KAT2B: variants seen among roughly 807,000 people sequenced by gnomAD.
KAT2B encodes histone acetyltransferase KAT2B.
KAT2B carries 36 observed loss-of-function variants against 105.9 expected under a neutral mutation model. The ratio of observed to expected loss-of-function variants is 0.34; its 90% CI spans 0.26 to 0.45. The LOEUF (loss-of-function observed/expected upper bound fraction) is 0.45. Among genes scored for constraint, KAT2B ranks in the 20% least tolerant of loss-of-function variants. The pLI is 1.00. For missense variants in KAT2B, 820 were observed against 1,021.6 expected (o/e 0.80, Z 2.69); for synonymous variants, 397 against 377.9 (o/e 1.05, Z -0.59).
intron 14 of KAT2B, among the ~76,000 whole-genome samples, chr3:20,147,708 T>G (rs1655770196): frequency 6.6e-6 from 1 of 152,228 alleles, no homozygotes; most frequent in South Asian, 2.1e-4. Flanking sequence ...ACATATTTAT[T>G]TTTTATGCTC....
At chr3:20,111,505 T>C (rs989011602) in intron 5 of KAT2B, 91 bp from the exon 6 acceptor site, 1 of 1,059,232 alleles carries the variant, frequency 9.4e-7, no homozygotes, top group Middle Eastern at 3.2e-4. Context: ...TTTTCTGCTA[T>C]AGTTAATAGT....
chr3:20,146,418 A>G lies in KAT2B; in HGVS notation c.2107A>G (p.Ile703Val). The change falls in exon 14 of 18, where the codon ATT becomes GTT. Residue 703 changes from isoleucine (I) to valine (V), a missense_variant. By Grantham distance (29) the Ile-to-Val change is conservative. Transcript: ENST00000263754. ...DGVRQIPIES[I>V]PGIRETGWKP... ...AGTTCGACAGATTCCTATAGAAAGCATTCCTGGAATTAGTACGTATAGACC... is the reference window on the plus strand; with the variant it reads ...AGTTCGACAGATTCCTATAGAAAGCGTTCCTGGAATTAGTACGTATAGACC... 1.2e-6 allele frequency: 2 copies of G among 1,603,526 alleles called. No individual in the cohort carries two copies. Among genetic ancestry groups the G allele is most frequent in the Non-Finnish European group, 1.7e-6 (2 of 1,170,562 alleles).
intron 5 of KAT2B, among the ~76,000 whole-genome samples, chr3:20,103,532 C>T (rs138218027): frequency 6.6e-6 from 1 of 152,096 alleles, no homozygotes; most frequent in Non-Finnish European, 1.5e-5. Flanking sequence ...ATCTCAGCCT[C>T]CTTAGTAGCT....
At chr3:20,055,273 C>T (rs867527626) in intron 1 of KAT2B, among the ~76,000 whole-genome samples, 4 of 152,114 alleles carry the variant, frequency 2.6e-5, no homozygotes, top group Non-Finnish European at 4.4e-5. Context: ...CAACTTTTTC[C>T]GTTTACTCAA....
At chr3:20,101,638 T>A (rs1263421860) in intron 5 of KAT2B, among the ~76,000 whole-genome samples, 170 bp downstream of exon 5, 1 of 152,198 alleles carries the variant, frequency 6.6e-6, no homozygotes, top group East Asian at 1.9e-4. Flanking sequence ...ATTGCTATCA[T>A]AATATGTTGA....
chr3:20,079,755 A>G (rs1217920323), intron 2 of KAT2B, among the ~76,000 whole-genome samples: 1 of 152,174 alleles, frequency 6.6e-6, no homozygotes, highest in African/African-American at 2.4e-5. Context: ...AAAGGACGTA[A>G]ACATGGGGCC....
intron 5 of KAT2B, among the ~76,000 whole-genome samples, chr3:20,108,314 A>G (rs897222467): frequency 2.6e-5 from 4 of 152,260 alleles, no homozygotes; most frequent in Non-Finnish European, 2.9e-5. Flanking sequence ...AGTGCTCAAT[A>G]GTTACCAATG....
Position 20,119,828 on chromosome 3 carries a change from T to C in KAT2B, c.1276+105T>C, listed in dbSNP as rs1699276873. On this transcript the variant is annotated intron_variant, in intron 8 of 17. Coordinates refer to ENST00000263754, the MANE Select transcript of KAT2B (RefSeq NM_003884.5). The stretch of plus-strand genomic sequence containing the variant: ...TTGAACCAAGTACAGATTGTGCATG[T>C]CCAGGATTTTAACAGCTAGAAATAA... 5 of 1,243,882 alleles carry C rather than the reference T, an allele frequency of 4.0e-6. No homozygotes were observed. The South Asian group carries it at 7.3e-5, about 18-fold the overall frequency. 77.1% of individuals were successfully genotyped at this position (1,243,882 alleles called of 1,614,324 possible). A position where few individuals can be genotyped will look rare whatever the true frequency, so the allele number is the denominator to read the frequency against.
intron 2 of KAT2B, among the ~76,000 whole-genome samples, chr3:20,093,802 C>T (rs1001257865): frequency 1.2e-4 from 19 of 152,078 alleles, no homozygotes; most frequent in African/African-American, 3.1e-4. Flanking sequence ...CTTGAGGTGC[C>T]GCCTCCTGTT....
chr3:20,062,100 TATAATATATATTATATAAAAC>T (rs1698125896), intron 1 of KAT2B, among the ~76,000 whole-genome samples: 1 of 54,264 alleles, frequency 1.8e-5, no homozygotes, highest in African/African-American at 6.3e-5. Context: ...ATATAAAACA[TATAATATATATTATATAAAAC>T]ATATATATAT....
chr3:20,146,564 AG>A (rs1699786986), intron 14 of KAT2B, 134 bp downstream of exon 14: 2 of 593,436 alleles, frequency 3.4e-6, no homozygotes, highest in Non-Finnish European at 6.1e-6. Flanking sequence ...TAGTCTTTTA[AG>A]AAGGCAGCAA....
At chr3:20,116,239 C>A (rs1699204903) in intron 7 of KAT2B, among the ~76,000 whole-genome samples, 1 of 152,146 alleles carries the variant, frequency 6.6e-6, no homozygotes, top group South Asian at 2.1e-4. Flanking sequence ...ATATCCTTTG[C>A]ATTGCTCCCT....
chr3:20,142,011 C>T (rs1296354096), intron 13 of KAT2B, among the ~76,000 whole-genome samples: 2 of 152,120 alleles, frequency 1.3e-5, no homozygotes, highest in Non-Finnish European at 2.9e-5. Flanking sequence ...AGGCTGCTGG[C>T]CAACTAAAGC....
At chr3:20,151,056 C>A (rs528244267) in intron 17 of KAT2B, among the ~76,000 whole-genome samples, 4 of 152,166 alleles carry the variant, frequency 2.6e-5, no homozygotes, top group African/African-American at 9.7e-5. Flanking sequence ...TTGATCTGTT[C>A]AGTCACACTT....
At chr3:20,060,132 G>A (rs1698074903) in intron 1 of KAT2B, among the ~76,000 whole-genome samples, 1 of 152,190 alleles carries the variant, frequency 6.6e-6, no homozygotes, top group Admixed American at 6.5e-5. Flanking sequence ...GCGTTAACTA[G>A]TTGATGGGCA....
chr3:20,070,987 C>A (rs1325032534), intron 1 of KAT2B, among the ~76,000 whole-genome samples: 3 of 139,936 alleles, frequency 2.1e-5, no homozygotes, highest in Admixed American at 7.4e-5. Context: ...CCAGCCTGGG[C>A]AACACAGAGA....
intron 7 of KAT2B, among the ~76,000 whole-genome samples, chr3:20,115,424 T>C (rs916634535): frequency 1.3e-5 from 2 of 152,136 alleles, no homozygotes; most frequent in African/African-American, 4.8e-5. Context: ...CCTTTGACAC[T>C]AGGAAGACTC....
chr3:20,075,351 T>A (rs546487680), intron 2 of KAT2B, among the ~76,000 whole-genome samples: 2 of 149,400 alleles, frequency 1.3e-5, no homozygotes, highest in South Asian at 4.3e-4. Context: ...GATGTGTGGG[T>A]TTTTTTTTTC....
Position 20,041,508 on chromosome 3 carries a change from A to G in KAT2B, c.303+728A>G, listed in dbSNP as rs533792322. The stretch of plus-strand genomic sequence containing the variant: ...GGGCGCTACTGCTCAGTTTGAGGAC[A>G]CCCATTTCTTGCTACCCACTCTCCA... On this transcript the variant is annotated intron_variant, in intron 1 of 17. Transcript: ENST00000263754. Among the ~76,000 whole-genome samples the G allele has an allele frequency of 1.2e-4, 19 of 152,224 alleles. No homozygotes were observed. The South Asian group carries it at 2.9e-3, about 23-fold the overall frequency.
Sources: allele counts gnomAD v4.1 joint callset (sites outside exome capture counted in the v4.1 genomes callset), GRCh38; gene constraint gnomAD v4.1.1; transcripts MANE v1.5; gene names NCBI Gene and HGNC (gene_info 2026-07-23, HGNC 2026-07-21).